ATG14: variants seen among roughly 807,000 people sequenced by gnomAD.
The protein encoded by ATG14 is autophagy related 14.
ATG14 carries 35 observed loss-of-function variants against 60.4 expected under a neutral mutation model. The ratio of observed to expected loss-of-function variants is 0.58; its 90% CI spans 0.44 to 0.77. The LOEUF (loss-of-function observed/expected upper bound fraction) is 0.77. Ranked by LOEUF, ATG14 falls within the 30% of genes least tolerant of loss-of-function variation. ATG14 has a pLI of 0.00. For missense variants in ATG14, 647 were observed against 626.3 expected (o/e 1.03, Z -0.35); for synonymous variants, 234 against 228.8 (o/e 1.02, Z -0.21).
chr14:55,383,697 A>T (rs545798471), intron 5 of ATG14, among the ~76,000 whole-genome samples: 1 of 152,062 alleles, frequency 6.6e-6, no homozygotes, highest in South Asian at 2.1e-4. Flanking sequence ...TGAGCTCACG[A>T]ATGGTGCTAT....
At chr14:55,411,561 A>G (rs1248436983) in intron 1 of ATG14, 41 bp downstream of exon 1, 1 of 1,560,580 alleles carries the variant, frequency 6.4e-7, no homozygotes, top group Admixed American at 1.9e-5. Flanking sequence ...GCTGGAGGAC[A>G]CACAGCAGAA....
Position 55,395,986 on chromosome 14 carries a change from T to C in ATG14, c.285-4A>G. ...TCCTTCCATAGCTTTTAACACTCTG[T>C]GAGGAAAAGAGACAGAAAATAAGCT... is the stretch of plus-strand genomic sequence containing the variant. On this transcript the variant is annotated splice_polypyrimidine_tract_variant and splice_region_variant and intron_variant, in intron 2 of 9. Coordinates refer to ENST00000247178, the MANE Select transcript of ATG14 (RefSeq NM_014924.5). 1 of 1,581,612 alleles carries C rather than the reference T, an allele frequency of 6.3e-7. No individual in the cohort carries two copies. The highest frequency in any genetic ancestry group is 1.8e-5 in the Admixed American group (1 of 54,658).
chr14:55,379,585 T>A lies in ATG14; in HGVS notation c.995+988A>T, dbSNP rs547575203. Among the ~76,000 whole-genome samples the A allele has an allele frequency of 6.8e-4, 103 of 152,198 alleles. No homozygotes were observed. In the South Asian group the frequency reaches 0.02, roughly 29 times the overall value. On this transcript the variant is annotated intron_variant, in intron 7 of 9. Coordinates refer to ENST00000247178, the MANE Select transcript of ATG14 (RefSeq NM_014924.5). ...GTAAACTTTTAATTTTTTAAAAAAATTAAAAAGAATAAGAATTTCTTTAAG... is the reference window on the plus strand; with the variant it reads ...GTAAACTTTTAATTTTTTAAAAAAAATAAAAAGAATAAGAATTTCTTTAAG...
At chr14:55,400,985 A>G (rs1358894513) in intron 1 of ATG14, among the ~76,000 whole-genome samples, 1 of 152,084 alleles carries the variant, frequency 6.6e-6, no homozygotes, top group Non-Finnish European at 1.5e-5. Flanking sequence ...GAATATTTAC[A>G]GCAAAATTGT....
At chr14:55,382,268 T>C (rs1438841777) in intron 5 of ATG14, 77 bp from the exon 6 acceptor site, 2 of 1,324,836 alleles carry the variant, frequency 1.5e-6, no homozygotes, top group Admixed American at 1.9e-5. Context: ...CAAGACATGC[T>C]AGAACATCGA....
intron 4 of ATG14, among the ~76,000 whole-genome samples, chr14:55,387,573 C>T (rs1005044923): frequency 3.9e-5 from 6 of 152,146 alleles, no homozygotes; most frequent in Admixed American, 6.5e-5. Flanking sequence ...GGGTATAAAA[C>T]GTACCTGATA....
chr14:55,369,849 C>G lies in ATG14; in HGVS notation c.1249G>C (p.Asp417His), dbSNP rs879043379. The stretch of plus-strand genomic sequence containing the variant: ...CTGACGCGCTCATCTCCGCTCTCAT[C>G]TGATTCTCCAGCAACTCCGGGATCC... ...FVDPGVAGESDESGDERVSDE... is the reference protein window; with the variant it reads ...FVDPGVAGESHESGDERVSDE... Residue 417 changes from aspartate (D) to histidine (H), a missense_variant, in exon 10 of 10, where the codon GAT becomes CAT. Coordinates refer to ENST00000247178, the MANE Select transcript of ATG14 (RefSeq NM_014924.5). The G allele has an allele frequency of 1.2e-6, 2 of 1,614,202 alleles. No homozygotes were observed. The highest frequency in any genetic ancestry group is 2.2e-5 in the East Asian group (1 of 44,886).
intron 1 of ATG14, among the ~76,000 whole-genome samples, chr14:55,403,249 A>G (rs1885439386): frequency 6.6e-6 from 1 of 152,100 alleles, no homozygotes; most frequent in Non-Finnish European, 1.5e-5. Flanking sequence ...TAGCACACAC[A>G]TATGCCAGCT....
intron 3 of ATG14, among the ~76,000 whole-genome samples, chr14:55,394,735 C>G (rs1013587862): frequency 6.6e-6 from 1 of 152,062 alleles, no homozygotes; most frequent in African/African-American, 2.4e-5. Context: ...AACACGGGAA[C>G]AGAAGTAATT....
At chr14:55,370,643 T>C (rs138266041) in intron 9 of ATG14, among the ~76,000 whole-genome samples, 1 of 151,890 alleles carries the variant, frequency 6.6e-6, no homozygotes, top group African/African-American at 2.4e-5. Context: ...CTTTCTGCAT[T>C]TCTTTTTTTT....
At chr14:55,388,595 C>A (rs1203069125) in intron 4 of ATG14, among the ~76,000 whole-genome samples, 1 of 152,214 alleles carries the variant, frequency 6.6e-6, no homozygotes, top group East Asian at 1.9e-4. Flanking sequence ...TAATGTATAT[C>A]ATGAAACCTT....
chr14:55,390,981 T>C lies in ATG14; in HGVS notation c.339A>G (p.Ile113Met). Residue 113 changes from isoleucine to methionine, a missense_variant, in exon 4 of 10, where the codon ATA becomes ATG. By Grantham distance (10) the Ile-to-Met change is conservative. Coordinates refer to ENST00000247178, the MANE Select transcript of ATG14 (RefSeq NM_014924.5). ...GTTCAATCCTCATCTTGCAGGACATTATTTTCCATCTCTGAAAAAAGCATG... is the reference window on the plus strand; with the variant it reads ...GTTCAATCCTCATCTTGCAGGACATCATTTTCCATCTCTGAAAAAAGCATG... ...KWITDQLRWK[I>M]MSCKMRIEQL... is the part of the protein sequence containing the mutation. 6.9e-6 allele frequency: 11 copies of C among 1,605,706 alleles called. No individual in the cohort carries two copies. The highest frequency in any genetic ancestry group is 9.4e-6 in the Non-Finnish European group (11 of 1,175,252).
At position 55,395,994 on chromosome 14, in the gene ATG14, A is replaced by G. The variant is rs751671926; in HGVS notation, c.285-12T>C. The G allele has an allele frequency of 2.5e-5, 40 of 1,571,168 alleles. No individual in the cohort carries two copies. Among genetic ancestry groups the G allele is most frequent in the Admixed American group, 3.8e-5 (2 of 52,014 alleles). On this transcript the variant is annotated splice_polypyrimidine_tract_variant and intron_variant, in intron 2 of 9. Transcript: ENST00000247178. ...TAGCTTTTAACACTCTGTGAGGAAA[A>G]GAGACAGAAAATAAGCTCTTAAAAA...
chr14:55,402,588 A>G (rs952115519), intron 1 of ATG14, among the ~76,000 whole-genome samples: 1 of 152,004 alleles, frequency 6.6e-6, no homozygotes, highest in South Asian at 2.1e-4. Context: ...ATCGGCAAAG[A>G]TATGAGTATG....
rs566233548 is a variant in ATG14 at position 55,368,770 on chromosome 14, A to T, written c.*849T>A. The T allele has an allele frequency of 3.9e-5, 6 of 152,336 alleles. No individual in the cohort carries two copies. Among genetic ancestry groups the T allele is most frequent in the African/African-American group, 1.4e-4 (6 of 41,582 alleles). 9.4% of individuals were successfully genotyped at this position (152,336 alleles called of 1,614,324 possible). On this transcript the variant is annotated 3_prime_UTR_variant, in exon 10 of 10. Transcript: ENST00000247178. ...TTCCCCTGTGCCCAGGCAGGCATTG[A>T]GCTTACATAAGGGAATGACCTTCAT...
rs540918617 is a variant in ATG14, at chr14:55,403,625, T to C, written c.222-6191A>G. ...AAGTTTACAGCTGTAAAAGGAATAA[T>C]ATTGTGTACCGGCATGAAAAGACGT... On this transcript the variant is annotated intron_variant, in intron 1 of 9. Coordinates refer to ENST00000247178, the MANE Select transcript of ATG14 (RefSeq NM_014924.5). Among the ~76,000 whole-genome samples, 6 of 152,174 alleles carry C rather than the reference T, an allele frequency of 3.9e-5. No individual in the cohort carries two copies. In the East Asian group the frequency reaches 1.2e-3, roughly 29 times the overall value.
At chr14:55,388,676 A>G (rs1368072536) in intron 4 of ATG14, among the ~76,000 whole-genome samples, 2 of 152,360 alleles carry the variant, frequency 1.3e-5, no homozygotes, top group Non-Finnish European at 2.9e-5. Flanking sequence ...TCATGACTAC[A>G]TGTCATAATT....
chr14:55,409,835 T>C, intron 1 of ATG14, among the ~76,000 whole-genome samples: 1 of 152,036 alleles, frequency 6.6e-6, no homozygotes, highest in East Asian at 1.9e-4. Context: ...AATGGAGGAG[T>C]AGCATAACTG....
At chr14:55,406,077 T>C (rs1885486172) in intron 1 of ATG14, among the ~76,000 whole-genome samples, 2 of 152,194 alleles carry the variant, frequency 1.3e-5, no homozygotes, top group African/African-American at 4.8e-5. Context: ...GCCAAACTCA[T>C]ATTGTCCCCA....
Sources: allele counts gnomAD v4.1 joint callset (sites outside exome capture counted in the v4.1 genomes callset), GRCh38; gene constraint gnomAD v4.1.1; transcripts MANE v1.5; gene names NCBI Gene and HGNC (gene_info 2026-07-23, HGNC 2026-07-21).